Variants in CFAP65 observed in about 807,000 individuals in gnomAD.
The protein encoded by CFAP65 is cilia and flagella associated protein 65.
CFAP65 carries 155 observed loss-of-function variants against 208.0 expected under a neutral mutation model. That is an observed-to-expected ratio of 0.75 (90% CI 0.65 to 0.85). The LOEUF is 0.85. Among genes scored for constraint, CFAP65 ranks in the 40% least tolerant of loss-of-function variants. The pLI, the probability that CFAP65 is intolerant of heterozygous loss-of-function variation, is 0.00. For synonymous variants in CFAP65, 970 were observed against 986.3 expected (o/e 0.98, Z 0.31); for missense variants, 2,294 against 2,451.3 (o/e 0.94, Z 1.36).
At position 219,038,931 on chromosome 2, in the gene CFAP65, G is replaced by C; in HGVS notation, c.118C>G (p.Gln40Glu). ...CTTTTACTCTCTGCTTGTTTCTTCT[G>C]AACACTCTTGCCTCTTAGGAGAAGA... The part of the protein sequence containing the change: ...IPLLLRGKSV[Q>E]KKQAESKSQI... Residue 40 changes from glutamine (Q) to glutamate (E), a missense_variant, in exon 3 of 35, where the codon CAG becomes GAG. Coordinates refer to ENST00000341552, the MANE Select transcript of CFAP65 (RefSeq NM_194302.4). 6.2e-7 allele frequency: 1 copy of C among 1,612,740 alleles called. No homozygotes were observed. The highest frequency in any genetic ancestry group is 8.5e-7 in the Non-Finnish European group (1 of 1,179,444).
In CFAP65 at chr2:219,010,103, A is replaced by AT. The variant is rs756392536; in HGVS notation, c.4309-19_4309-18insA. On this transcript the variant is annotated intron_variant, in intron 26 of 34. Transcript: ENST00000341552. The stretch of plus-strand genomic sequence containing the variant: ...AAGACATTCTGTGGGTGGAGAGCGG[A>AT]GGTAAAGAAATAAGAACCGGCCAGG... 1 of 1,567,970 alleles carries AT rather than the reference A, an allele frequency of 6.4e-7. No individual in the cohort carries two copies. Among genetic ancestry groups the AT allele is most frequent in the Non-Finnish European group, 8.7e-7 (1 of 1,155,924 alleles).
chr2:219,003,237 A>G lies in CFAP65; in HGVS notation c.5591T>C (p.Leu1864Pro), dbSNP rs992295279. The G allele has an allele frequency of 3.2e-6, 5 of 1,547,242 alleles. No individual in the cohort carries two copies. The highest frequency in any genetic ancestry group is 4.4e-6 in the Non-Finnish European group (5 of 1,144,884). Residue 1864 changes from leucine (L) to proline (P), a missense_variant, in exon 34 of 35, where the codon CTG (leucine) becomes CCG (proline). By Grantham distance (98) the Leu-to-Pro change is moderately conservative. Around this residue, in one of 2 missense-constraint regions of CFAP65, gnomAD observed 1,427 missense variants for 1,438.7 expected, o/e 0.99. Transcript: ENST00000341552. This position sits in a 1 kb window ranked among gnomAD's most constrained non-coding sequence, Gnocchi z 4.4. ...CAGGATGTTCTGGATCATGTTCTCC[A>G]GCAGCGCCTCCTGCAGGTTGGCGAA... ...PAFANLQEAL[L>P]ENMIQNILVE...
intron 21 of CFAP65, among the ~76,000 whole-genome samples, chr2:219,016,405 C>T (rs60168921): frequency 0.018 from 2,687 of 150,872 alleles, 63 homozygotes; most frequent in African/African-American, 0.062. Context: ...AGCAATTCTC[C>T]TGCCTCAGCC....
Position 219,030,669 on chromosome 2 carries a change from C to T in CFAP65, c.1161+20G>A, listed in dbSNP as rs1947955096. ...ATCCTGGGGGCGTGAGTCCTGCCGC[C>T]CCTCCTGCCTGGTGCCTACCGCCGA... On this transcript the variant is annotated intron_variant, in intron 9 of 34. Transcript: ENST00000341552. The T allele has an allele frequency of 6.2e-7, 1 of 1,607,838 alleles. No homozygotes were observed. The highest frequency in any genetic ancestry group is 8.5e-7 in the Non-Finnish European group (1 of 1,176,390).
chr2:219,009,005 CA>C (rs1332872733), intron 29 of CFAP65, 41 bp downstream of exon 29: 2 of 1,544,800 alleles, frequency 1.3e-6, no homozygotes, highest in Non-Finnish European at 1.8e-6. Flanking sequence ...TAAGGCCAGT[CA>C]GAAAGATCTG....
In CFAP65 at chr2:219,031,342, G is replaced by T; in HGVS notation, c.816-37C>A. 1 of 1,607,776 alleles carries T rather than the reference G, an allele frequency of 6.2e-7. No homozygotes were observed. Among genetic ancestry groups the T allele is most frequent in the Non-Finnish European group, 8.5e-7 (1 of 1,175,278 alleles). On this transcript the variant is annotated intron_variant, in intron 7 of 34. Transcript: ENST00000341552. This position sits in a 1 kb window ranked among gnomAD's most constrained non-coding sequence, Gnocchi z 5.2. Reference sequence around the variant, plus strand: ...GGGCAGGTCAGGGCACTGGGCTCCCGGCCCCTGCTCCTGCAGTAGCAAGTC... The same window carrying T: ...GGGCAGGTCAGGGCACTGGGCTCCCTGCCCCTGCTCCTGCAGTAGCAAGTC...
rs867675805 is a variant in CFAP65, at chr2:219,032,641, A to T, written c.543-69T>A. 4.7e-5 allele frequency: 66 copies of T among 1,392,198 alleles called. No individual in the cohort carries two copies. The Middle Eastern group carries it at 2.1e-3, about 45-fold the overall frequency. 86.2% of individuals were successfully genotyped at this position (1,392,198 alleles called of 1,614,324 possible). On this transcript the variant is annotated intron_variant, in intron 5 of 34. Transcript: ENST00000341552. The surrounding 1 kb of genome is among the most constrained non-coding windows in gnomAD (Gnocchi z 5.5). ...GAACAACTGGAAGAGGCAGGAAACG[A>T]GGGAAGCCCTGCAGCCAAGGGAGCT...
Position 219,004,763 on chromosome 2 carries a change from A to G in CFAP65, c.5052-308T>C, listed in dbSNP as rs73993390. Among the ~76,000 whole-genome samples, 2,886 of 133,596 alleles carry G rather than the reference A, an allele frequency of 0.022. 90 individuals carry two copies. Among genetic ancestry groups the G allele is most frequent in the African/African-American group, 0.074 (2,727 of 37,090 alleles). 87.6% of individuals were successfully genotyped at this position (133,596 alleles called of 152,430 possible). A position where few individuals can be genotyped will look rare whatever the true frequency, so the allele number is the denominator to read the frequency against. ...CCAGCCCTGGAATGGGGCAGAACTC[A>G]GGATCCAGACCTGAGAATCCCTCCA... On this transcript the variant is annotated intron_variant, in intron 32 of 34. Coordinates refer to ENST00000341552, the MANE Select transcript of CFAP65 (RefSeq NM_194302.4). This position sits in a 1 kb window ranked among gnomAD's most constrained non-coding sequence, Gnocchi z 4.7.
At chr2:219,022,958 T>C (rs558709824) in intron 16 of CFAP65, among the ~76,000 whole-genome samples, 1 of 152,196 alleles carries the variant, frequency 6.6e-6, no homozygotes, top group Admixed American at 6.5e-5. Context: ...TCAGAAACAC[T>C]GGTTCCAGTC....
chr2:219,018,101 T>C (rs1490728356), intron 21 of CFAP65, among the ~76,000 whole-genome samples: 1 of 151,976 alleles, frequency 6.6e-6, no homozygotes, highest in Admixed American at 6.6e-5. Context: ...CTCTCTCTGC[T>C]CAGGCCAGCG....
At chr2:219,011,751 T>C (rs1036982837) in intron 24 of CFAP65, among the ~76,000 whole-genome samples, 2 of 152,242 alleles carry the variant, frequency 1.3e-5, no homozygotes, top group Non-Finnish European at 2.9e-5. Flanking sequence ...AGAGTCCATC[T>C]GGATTCAGTC....
Position 219,010,935 on chromosome 2 carries a change from A to G in CFAP65, c.4019T>C (p.Leu1340Pro). ...AAAATTTTTTTCCTGAACCTGTGACAGGACATCGGTCTGGACCTCATATGT... is the reference window on the plus strand; with the variant it reads ...AAAATTTTTTTCCTGAACCTGTGACGGGACATCGGTCTGGACCTCATATGT... ...PVTYEVQTDV[L>P]SQVQEKNFDH... The change falls in exon 25 of 35, where the codon CTG (leucine) becomes CCG (proline). Residue 1340 changes from leucine to proline, a missense_variant. Transcript: ENST00000341552. 1 of 1,613,934 alleles carries G rather than the reference A, an allele frequency of 6.2e-7. No individual in the cohort carries two copies.
In CFAP65 at chr2:219,019,310, T is replaced by G. The variant is rs553190681; in HGVS notation, c.3474-131A>C. On this transcript the variant is annotated intron_variant, in intron 20 of 34. Coordinates refer to ENST00000341552, the MANE Select transcript of CFAP65 (RefSeq NM_194302.4). ...AGAATCTGGGACTCAGGCGCAAGGG[T>G]GGGCTGGCTCTTCAGACCTCAAGCC... is the stretch of plus-strand genomic sequence containing the variant. 13 of 1,268,922 alleles carry G rather than the reference T, an allele frequency of 1.0e-5. No individual in the cohort carries two copies. In the South Asian group the frequency reaches 1.8e-4, roughly 17 times the overall value. The allele number at this position is 1,268,922 out of a possible 1,614,324, so 78.6% of individuals were successfully genotyped here.
chr2:219,039,110 G>T, intron 2 of CFAP65, 60 bp from the exon 3 acceptor site: 3 of 1,413,270 alleles, frequency 2.1e-6, no homozygotes, highest in Middle Eastern at 2.0e-4. Flanking sequence ...GATCCTCGAT[G>T]ACTGTAGCTG....
chr2:219,008,793 T>C (rs1946215642), intron 29 of CFAP65, among the ~76,000 whole-genome samples: 1 of 152,130 alleles, frequency 6.6e-6, no homozygotes, highest in South Asian at 2.1e-4. Flanking sequence ...AAATCTCCAG[T>C]GTGCAGCACA....
Position 219,026,084 on chromosome 2 carries a change from C to T in CFAP65, c.2287G>A (p.Gly763Ser). The change falls in exon 14 of 35, where the codon GGC (glycine) becomes AGC (serine). Residue 763 changes from glycine to serine, a missense_variant. Coordinates refer to ENST00000341552, the MANE Select transcript of CFAP65 (RefSeq NM_194302.4). ...TCAAAGCCAGCGAAATAGCTGTGGC[C>T]TCGTGCCCGCACCGTCAGGCACCAG... Reference protein sequence around the residue: ...PSWCLTVRARGHSYFAGFEHH... With the variant: ...PSWCLTVRARSHSYFAGFEHH... 6.2e-7 allele frequency: 1 copy of T among 1,614,142 alleles called. No individual in the cohort carries two copies. Among genetic ancestry groups the T allele is most frequent in the Non-Finnish European group, 8.5e-7 (1 of 1,180,030 alleles).
intron 22 of CFAP65, 123 bp from the exon 23 acceptor site, chr2:219,013,708 G>A: frequency 8.5e-7 from 1 of 1,182,200 alleles, no homozygotes; most frequent in Non-Finnish European, 1.2e-6. Flanking sequence ...TCGCCCTTGA[G>A]TTGGGATGGG....
At chr2:219,019,259 C>G in intron 20 of CFAP65, 80 bp from the exon 21 acceptor site, 1 of 1,490,090 alleles carries the variant, frequency 6.7e-7, no homozygotes, top group Non-Finnish European at 9.1e-7. Flanking sequence ...GGCTTGGGCA[C>G]TCCCCTCCCT....
chr2:219,016,320 A>G (rs1211780860), intron 21 of CFAP65, among the ~76,000 whole-genome samples: 1 of 113,854 alleles, frequency 8.8e-6, no homozygotes, highest in Non-Finnish European at 1.7e-5. Flanking sequence ...TTTTTGAGAC[A>G]GTCTCACTCT....
Sources: gnomAD v4.1 joint callset for allele counts (sites outside exome capture counted in the v4.1 genomes callset) on GRCh38, gnomAD v4.1.1 for gene constraint, gnomAD v4.1.1 regional missense constraint, Gnocchi (gnomAD v3.1) non-coding constraint, MANE v1.5 for transcripts, NCBI Gene and HGNC (gene_info 2026-07-23, HGNC 2026-07-21) for gene names.